PARD3B: variants seen among roughly 807,000 people sequenced by gnomAD.
PARD3B encodes the protein par-3 family cell polarity regulator beta.
Under a neutral mutation model 130.2 loss-of-function variants are expected in PARD3B, and 103 were observed. That is an observed-to-expected ratio of 0.79 (90% CI 0.67 to 0.93). PARD3B has a LOEUF of 0.93. PARD3B is among the 40% of genes least tolerant of loss of function. The pLI, the probability that PARD3B is intolerant of heterozygous loss-of-function variation, is 0.00. For missense variants in PARD3B, 1,609 were observed against 1,499.2 expected, an observed-to-expected ratio of 1.07 and a Z score of -1.21; for synonymous variants, 583 against 553.2, an observed-to-expected ratio of 1.05 and a Z score of -0.76.
At chr2:205,370,536 C>T (rs1014883779) in intron 18 of PARD3B, among the ~76,000 whole-genome samples, 2 of 152,038 alleles carry the variant, frequency 1.3e-5, no homozygotes, top group Non-Finnish European at 2.9e-5. Flanking sequence ...ACAGCAGGCC[C>T]GGGAAAGGGC....
intron 21 of PARD3B, among the ~76,000 whole-genome samples, chr2:205,520,982 A>G (rs2051023023): frequency 6.6e-6 from 1 of 151,368 alleles, no homozygotes; most frequent in Non-Finnish European, 1.5e-5. Flanking sequence ...TTAGTTCTTT[A>G]TCATAAATCA....
intron 16 of PARD3B, among the ~76,000 whole-genome samples, chr2:205,283,675 A>G (rs1021150541): frequency 6.6e-6 from 1 of 152,234 alleles, no homozygotes; most frequent in African/African-American, 2.4e-5. Flanking sequence ...CCTATTGAAT[A>G]ACAGTATGTA....
At position 205,407,673 on chromosome 2, in the gene PARD3B, C is replaced by T. The variant is rs1299024487; in HGVS notation, c.2741+6550C>T. Among the ~76,000 whole-genome samples the T allele has an allele frequency of 6.6e-6, 1 of 151,850 alleles. No individual in the cohort carries two copies. The highest frequency in any genetic ancestry group is 1.5e-5 in the Non-Finnish European group (1 of 67,942). On this transcript the variant is annotated intron_variant, in intron 19 of 22. Coordinates refer to ENST00000406610, the MANE Select transcript of PARD3B (RefSeq NM_001302769.2). The surrounding 1 kb of genome is among the most constrained non-coding windows in gnomAD (Gnocchi z 4.1). The stretch of plus-strand genomic sequence containing the variant: ...AGATTGGTTAAAAGAAAAATATGTC[C>T]CCCTCCTCATCATTAATTTAGTATT...
Position 205,556,923 on chromosome 2 carries a change from G to A in PARD3B, c.3260+3520G>A, listed in dbSNP as rs564697255. Among the ~76,000 whole-genome samples the A allele has an allele frequency of 6.0e-4, 91 of 152,170 alleles. 1 individual carries two copies. The highest frequency in any genetic ancestry group is 3.4e-3 in the Middle Eastern group (1 of 294). On this transcript the variant is annotated intron_variant, in intron 22 of 22. Coordinates refer to ENST00000406610, the MANE Select transcript of PARD3B (RefSeq NM_001302769.2). Reference sequence around the variant, plus strand: ...TGCCAGCCGCTCGCAATTCTCCCAGGTCCCATTCTGATTTCGCAGGCCTCC... The same window carrying A: ...TGCCAGCCGCTCGCAATTCTCCCAGATCCCATTCTGATTTCGCAGGCCTCC...
chr2:204,818,146 T>G (rs1404667472), intron 2 of PARD3B, among the ~76,000 whole-genome samples: 1 of 152,180 alleles, frequency 6.6e-6, no homozygotes, highest in African/African-American at 2.4e-5. Flanking sequence ...AGCAGATTCT[T>G]GGATAGTTTA....
chr2:204,621,294 TC>T (rs377536038), intron 1 of PARD3B, among the ~76,000 whole-genome samples: 59 of 151,700 alleles, frequency 3.9e-4, no homozygotes, highest in Non-Finnish European at 6.5e-4. Flanking sequence ...GGATGTGTAT[TC>T]TTTTTTTCCC....
chr2:205,526,977 T>C (rs1049092438), intron 21 of PARD3B, among the ~76,000 whole-genome samples: 3 of 152,156 alleles, frequency 2.0e-5, no homozygotes, highest in African/African-American at 7.2e-5. Context: ...GGGACACAAG[T>C]GGTCACTGAG....
intron 20 of PARD3B, among the ~76,000 whole-genome samples, chr2:205,487,918 T>A (rs570384057): frequency 6.6e-6 from 1 of 152,360 alleles, no homozygotes; most frequent in African/African-American, 2.4e-5. Context: ...TATCATTAAT[T>A]TGTTCAAGTA....
rs1315172828 is a variant in PARD3B, at chr2:205,423,719, A to C, written c.2742-16651A>C. Among the ~76,000 whole-genome samples, 3 of 152,324 alleles carry C rather than the reference A, an allele frequency of 2.0e-5. No homozygotes were observed. In the East Asian group the frequency reaches 5.8e-4, roughly 29 times the overall value. ...CCCATCAGTGGTAGACTGGATAAAGAAAATGTGATACCTATACACCGTGGA... is the reference window on the plus strand; with the variant it reads ...CCCATCAGTGGTAGACTGGATAAAGCAAATGTGATACCTATACACCGTGGA... On this transcript the variant is annotated intron_variant, in intron 19 of 22. Coordinates refer to ENST00000406610, the MANE Select transcript of PARD3B (RefSeq NM_001302769.2).
chr2:204,607,624 T>TA (rs35491008), intron 1 of PARD3B, among the ~76,000 whole-genome samples: 1 of 151,678 alleles, frequency 6.6e-6, no homozygotes, highest in Non-Finnish European at 1.5e-5. Context: ...AAAATTATTT[T>TA]AAAAAAAAGG....
intron 2 of PARD3B, among the ~76,000 whole-genome samples, chr2:204,843,804 G>A (rs2044351121): frequency 6.6e-6 from 1 of 152,042 alleles, no homozygotes; most frequent in South Asian, 2.1e-4. Flanking sequence ...TTTTGTACTT[G>A]TTCTCAACGT....
intron 4 of PARD3B, among the ~76,000 whole-genome samples, chr2:205,082,650 A>AT (rs1431286116): frequency 6.6e-6 from 1 of 151,460 alleles, no homozygotes; most frequent in Non-Finnish European, 1.5e-5. Context: ...GATTTCATTG[A>AT]TTTTGTTTCC....
chr2:205,451,460 A>G (rs1384150178), intron 20 of PARD3B, among the ~76,000 whole-genome samples: 5 of 152,190 alleles, frequency 3.3e-5, no homozygotes, highest in Non-Finnish European at 5.9e-5. Context: ...AATCCACCAC[A>G]AATAGATTAC....
chr2:205,172,128 A>G (rs2035206099), intron 11 of PARD3B, 83 bp from the exon 12 acceptor site: 2 of 1,375,848 alleles, frequency 1.5e-6, no homozygotes, highest in Non-Finnish European at 9.9e-7. Context: ...TTTCATTTTT[A>G]AACTTGAACT....
intron 2 of PARD3B, among the ~76,000 whole-genome samples, chr2:204,775,530 A>G (rs904906173): frequency 3.3e-5 from 5 of 152,162 alleles, no homozygotes; most frequent in African/African-American, 9.7e-5. Context: ...AGGAGCCAGG[A>G]TTGGAATCCA....
intron 1 of PARD3B, among the ~76,000 whole-genome samples, chr2:204,637,114 G>A (rs2034910376): frequency 6.6e-6 from 1 of 151,474 alleles, no homozygotes; most frequent in African/African-American, 2.4e-5. Flanking sequence ...AATAATTTTT[G>A]TACAATTAAT....
intron 3 of PARD3B, among the ~76,000 whole-genome samples, chr2:205,010,053 T>C (rs1695591107): frequency 6.6e-6 from 1 of 152,150 alleles, no homozygotes; most frequent in South Asian, 2.1e-4. Flanking sequence ...AGCTTGACTT[T>C]AGTGAACCAA....
At chr2:204,722,620 C>T (rs1051795958) in intron 2 of PARD3B, among the ~76,000 whole-genome samples, 5 of 152,194 alleles carry the variant, frequency 3.3e-5, no homozygotes, top group Admixed American at 6.5e-5. Context: ...AAACTCTCAT[C>T]GGTTGGACAG....
Position 205,274,644 on chromosome 2 carries a change from A to C in PARD3B, c.2186-25886A>C, listed in dbSNP as rs1200713118. ...CTTACTTTCTATCTGAATATTATCT[A>C]TCTGAATATTAATATCAATTATCTA... On this transcript the variant is annotated intron_variant, in intron 16 of 22. Coordinates refer to ENST00000406610, the MANE Select transcript of PARD3B (RefSeq NM_001302769.2). This position sits in a 1 kb window ranked among gnomAD's most constrained non-coding sequence, Gnocchi z 4.2. Among the ~76,000 whole-genome samples, 1 of 152,058 alleles carries C rather than the reference A, an allele frequency of 6.6e-6. No homozygotes were observed. Among genetic ancestry groups the C allele is most frequent in the African/African-American group, 2.4e-5 (1 of 41,410 alleles).
Sources: gnomAD v4.1 joint callset for allele counts (sites outside exome capture counted in the v4.1 genomes callset) on GRCh38, gnomAD v4.1.1 for gene constraint, Gnocchi (gnomAD v3.1) non-coding constraint, MANE v1.5 for transcripts, NCBI Gene and HGNC (gene_info 2026-07-23, HGNC 2026-07-21) for gene names.